Variants in EXOC4 observed in about 807,000 individuals in gnomAD.
The protein encoded by EXOC4 is SEC8-like 1.
A neutral mutation model predicts 107.2 loss-of-function variants in EXOC4; 71 were observed. The observed-to-expected ratio is 0.66, with a 90% CI of 0.55 to 0.81. The LOEUF is 0.81. Ranked by LOEUF, EXOC4 falls within the 30% of genes least tolerant of loss-of-function variation. EXOC4 has a pLI of 0.00. For synonymous variants in EXOC4, 456 were observed against 441.2 expected (o/e 1.03, Z -0.42); for missense variants, 1,108 against 1,189.6 (o/e 0.93, Z 1.01).
intron 7 of EXOC4, among the ~76,000 whole-genome samples, chr7:133,457,842 TG>T: frequency 6.6e-6 from 1 of 152,226 alleles, no homozygotes; most frequent in East Asian, 1.9e-4. Flanking sequence ...GTTAGTTCTG[TG>T]GCCAAATTTA....
chr7:133,961,436 G>A (rs1384250910), intron 14 of EXOC4, among the ~76,000 whole-genome samples: 6 of 144,650 alleles, frequency 4.1e-5, no homozygotes, highest in African/African-American at 5.1e-5. Context: ...ACAGGCGCAC[G>A]CCACTGCACC....
chr7:133,589,572 G>A (rs1263737744), intron 9 of EXOC4, among the ~76,000 whole-genome samples: 6 of 152,144 alleles, frequency 3.9e-5, no homozygotes, highest in African/African-American at 9.7e-5. Context: ...GCAGCAGATC[G>A]GAGCACAACA....
At chr7:133,991,324 A>G (rs1478872125) in intron 14 of EXOC4, among the ~76,000 whole-genome samples, 1 of 151,566 alleles carries the variant, frequency 6.6e-6, no homozygotes, top group Non-Finnish European at 1.5e-5. Context: ...GAGTTGTTTG[A>G]GTCCCTTACA....
intron 9 of EXOC4, among the ~76,000 whole-genome samples, chr7:133,586,748 C>G (rs750020614): frequency 3.3e-5 from 5 of 152,170 alleles, no homozygotes; most frequent in Non-Finnish European, 7.4e-5. Flanking sequence ...CAGTCTTTGA[C>G]ATGCTGTTGT....
chr7:133,518,080 A>G (rs1475525346), intron 9 of EXOC4, among the ~76,000 whole-genome samples: 36 of 152,024 alleles, frequency 2.4e-4, no homozygotes, highest in Non-Finnish European at 5.9e-5. Context: ...ATCCTTGAAG[A>G]GGTCAGCTGG....
intron 13 of EXOC4, among the ~76,000 whole-genome samples, chr7:133,929,022 T>A (rs1472582947): frequency 7.9e-6 from 1 of 126,378 alleles, no homozygotes; most frequent in Non-Finnish European, 1.6e-5. Context: ...AACCTCCGCC[T>A]CCCGGGTTCA....
At chr7:133,643,841 T>A (rs1264273720) in intron 10 of EXOC4, among the ~76,000 whole-genome samples, 2 of 152,232 alleles carry the variant, frequency 1.3e-5, no homozygotes, top group Non-Finnish European at 2.9e-5. Context: ...ATAATTACAG[T>A]CCTCATTTCT....
intron 7 of EXOC4, among the ~76,000 whole-genome samples, chr7:133,441,330 C>T (rs1798098948): frequency 6.6e-6 from 1 of 152,022 alleles, no homozygotes; most frequent in Admixed American, 6.6e-5. Context: ...TCATAGAGGG[C>T]CTAGAAATTC....
intron 7 of EXOC4, among the ~76,000 whole-genome samples, chr7:133,414,607 TTAAAA>T (rs1350601552): frequency 1.3e-5 from 2 of 152,136 alleles, no homozygotes; most frequent in Non-Finnish European, 2.9e-5. Flanking sequence ...AGTAGAGCAG[TTAAAA>T]TAAACTAGTT....
chr7:133,690,894 A>G (rs1794405013), intron 10 of EXOC4, among the ~76,000 whole-genome samples: 1 of 152,102 alleles, frequency 6.6e-6, no homozygotes, highest in Non-Finnish European at 1.5e-5. Flanking sequence ...AGGGTTGCTA[A>G]TTCAGTCTCA....
intron 10 of EXOC4, among the ~76,000 whole-genome samples, chr7:133,804,243 C>T (rs1178821713): frequency 6.6e-6 from 1 of 152,094 alleles, no homozygotes. Context: ...TGAGATTATC[C>T]TGGCTTACCT....
intron 12 of EXOC4, among the ~76,000 whole-genome samples, chr7:133,907,560 A>G (rs1799594651): frequency 6.6e-6 from 1 of 152,150 alleles, no homozygotes. Flanking sequence ...TGGGCCAGGC[A>G]GGCAGGGTGG....
At chr7:134,013,113 A>G (rs1226560175) in intron 17 of EXOC4, among the ~76,000 whole-genome samples, 1 of 152,192 alleles carries the variant, frequency 6.6e-6, no homozygotes, top group Non-Finnish European at 1.5e-5. Flanking sequence ...GTAGGGTTTG[A>G]TGTCATCAGG....
chr7:133,458,423 T>C (rs1238209641), intron 7 of EXOC4, among the ~76,000 whole-genome samples: 2 of 152,220 alleles, frequency 1.3e-5, no homozygotes, highest in Non-Finnish European at 2.9e-5. Context: ...TTTGAGGAGA[T>C]GTCATATTCA....
chr7:133,787,995 A>T (rs868523025), intron 10 of EXOC4, among the ~76,000 whole-genome samples: 1 of 97,316 alleles, frequency 1.0e-5, no homozygotes, highest in African/African-American at 4.1e-5. Flanking sequence ...ATATATATAT[A>T]TATATATATA....
intron 7 of EXOC4, among the ~76,000 whole-genome samples, chr7:133,423,783 G>T (rs2150763298): frequency 6.6e-6 from 1 of 152,252 alleles, no homozygotes; most frequent in South Asian, 2.1e-4. Context: ...CTGCGCGCAG[G>T]CCTTGTGGCC....
chr7:133,626,969 A>G (rs1802471941), intron 9 of EXOC4, among the ~76,000 whole-genome samples: 1 of 152,208 alleles, frequency 6.6e-6, no homozygotes, highest in South Asian at 2.1e-4. Flanking sequence ...AGGCTTTCAC[A>G]CATACTGTCT....
At chr7:133,360,081 A>G (rs1796104659) in intron 6 of EXOC4, among the ~76,000 whole-genome samples, 1 of 152,224 alleles carries the variant, frequency 6.6e-6, no homozygotes, top group Non-Finnish European at 1.5e-5. Context: ...TTTCTCTAGA[A>G]AGACAGGCAG....
chr7:133,982,283 T>G (rs952131811), intron 14 of EXOC4, among the ~76,000 whole-genome samples: 1 of 152,210 alleles, frequency 6.6e-6, no homozygotes, highest in Non-Finnish European at 1.5e-5. Context: ...CCGGGTGTGG[T>G]GGCTCACGCC....
Sources: gnomAD v4.1 joint callset for allele counts (sites outside exome capture counted in the v4.1 genomes callset) on GRCh38, gnomAD v4.1.1 for gene constraint, MANE v1.5 for transcripts, NCBI Gene and HGNC (gene_info 2026-07-23, HGNC 2026-07-21) for gene names.